The following GPC5 variants were observed in gnomAD, a reference collection of about 807,000 sequenced individuals.
The protein encoded by GPC5 is glypican-5.
Under a neutral mutation model 53.9 loss-of-function variants are expected in GPC5, and 47 were observed. That is an observed-to-expected ratio of 0.87 (90% CI 0.69 to 1.11). The LOEUF (loss-of-function observed/expected upper bound fraction) is 1.11. GPC5 is among the 50% of genes most tolerant of loss of function. The pLI is 0.00. For missense variants in GPC5, 748 were observed against 713.1 expected (o/e 1.05, Z -0.56); for synonymous variants, 286 against 263.3 (o/e 1.09, Z -0.84).
At chr13:92,498,452 C>A (rs1412164657) in intron 7 of GPC5, among the ~76,000 whole-genome samples, 1 of 152,106 alleles carries the variant, frequency 6.6e-6, no homozygotes, top group East Asian at 1.9e-4. Context: ...CATACATGAG[C>A]CCCTTGGCCC....
At chr13:92,295,185 T>A (rs534823364) in intron 7 of GPC5, among the ~76,000 whole-genome samples, 1 of 152,222 alleles carries the variant, frequency 6.6e-6, no homozygotes, top group Admixed American at 6.5e-5. Context: ...GCACCACCTT[T>A]GCTGTGTCCC....
chr13:92,465,995 G>A (rs999400122), intron 7 of GPC5, among the ~76,000 whole-genome samples: 14 of 151,988 alleles, frequency 9.2e-5, no homozygotes, highest in African/African-American at 1.7e-4. Flanking sequence ...TGATTACTGC[G>A]TACACACGAT....
chr13:92,591,488 T>C (rs572706773), intron 7 of GPC5, among the ~76,000 whole-genome samples: 2 of 152,318 alleles, frequency 1.3e-5, no homozygotes, highest in African/African-American at 4.8e-5. Context: ...TAAAATTATA[T>C]GTATTTATCA....
At chr13:91,934,080 G>T (rs74106208) in intron 6 of GPC5, among the ~76,000 whole-genome samples, 2,714 of 151,798 alleles carry the variant, frequency 0.018, 73 homozygotes, top group African/African-American at 0.063. Flanking sequence ...GGATTTAAAA[G>T]TTATTAAGGA....
chr13:92,393,997 C>G (rs1875143848), intron 7 of GPC5, among the ~76,000 whole-genome samples: 1 of 151,866 alleles, frequency 6.6e-6, no homozygotes. Flanking sequence ...GGCTTTCTGT[C>G]CTCCTTGTTA....
intron 2 of GPC5, among the ~76,000 whole-genome samples, chr13:91,530,371 C>A (rs995297988): frequency 1.3e-5 from 2 of 152,144 alleles, no homozygotes; most frequent in Non-Finnish European, 2.9e-5. Context: ...TAATTTACAC[C>A]ATGACCAGCA....
intron 3 of GPC5, among the ~76,000 whole-genome samples, chr13:91,701,864 AC>A (rs902452986): frequency 2.0e-5 from 3 of 152,046 alleles, no homozygotes; most frequent in Non-Finnish European, 4.4e-5. Context: ...TTTTTGAGGA[AC>A]CACTGCACTT....
chr13:92,603,564 A>G (rs1275644564), intron 7 of GPC5, among the ~76,000 whole-genome samples: 1 of 152,210 alleles, frequency 6.6e-6, no homozygotes, highest in Non-Finnish European at 1.5e-5. Flanking sequence ...ACGAGGCACA[A>G]CACAACTTGC....
intron 7 of GPC5, among the ~76,000 whole-genome samples, chr13:92,146,133 C>G (rs1042538003): frequency 2.6e-5 from 4 of 152,108 alleles, no homozygotes; most frequent in Non-Finnish European, 4.4e-5. Context: ...AATTGGTGCA[C>G]TTGAGCAGCC....
intron 7 of GPC5, among the ~76,000 whole-genome samples, chr13:92,487,430 G>C (rs139315689): frequency 6.6e-6 from 1 of 152,096 alleles, no homozygotes; most frequent in Non-Finnish European, 1.5e-5. Context: ...AAATTGCATT[G>C]TCATGATTCA....
chr13:92,604,125 A>G (rs1410375114), intron 7 of GPC5, among the ~76,000 whole-genome samples: 1 of 152,238 alleles, frequency 6.6e-6, no homozygotes, highest in Non-Finnish European at 1.5e-5. Flanking sequence ...CTAAAAGATC[A>G]TAAAGCGGTA....
intron 7 of GPC5, among the ~76,000 whole-genome samples, chr13:92,783,576 TGTTA>T (rs1398278688): frequency 6.6e-6 from 1 of 152,160 alleles, no homozygotes; most frequent in African/African-American, 2.4e-5. Context: ...ATGAGGGTCT[TGTTA>T]GTTGGATGGA....
chr13:91,659,570 T>C (rs1178482584), intron 2 of GPC5, among the ~76,000 whole-genome samples: 1 of 152,226 alleles, frequency 6.6e-6, no homozygotes, highest in Non-Finnish European at 1.5e-5. Flanking sequence ...TTCATTTAAA[T>C]AGTGTTAAGT....
At chr13:92,791,565 T>A (rs1876465030) in intron 7 of GPC5, among the ~76,000 whole-genome samples, 1 of 151,896 alleles carries the variant, frequency 6.6e-6, no homozygotes, top group South Asian at 2.1e-4. Context: ...TAAAAGTAAT[T>A]CTGCTTTTTG....
At chr13:92,853,371 G>A (rs1381913174) in intron 7 of GPC5, among the ~76,000 whole-genome samples, 2 of 152,104 alleles carry the variant, frequency 1.3e-5, no homozygotes, top group African/African-American at 4.8e-5. Flanking sequence ...ATCTCTTACT[G>A]TGCCTAATTT....
chr13:91,858,340 T>C (rs7989571), intron 5 of GPC5, among the ~76,000 whole-genome samples: 28,696 of 151,772 alleles, frequency 0.19, 3,016 homozygotes, highest in East Asian at 0.31. Context: ...AGGTATGTTC[T>C]TTCTATACAG....
At chr13:91,597,271 T>A (rs2033028403) in intron 2 of GPC5, among the ~76,000 whole-genome samples, 1 of 152,232 alleles carries the variant, frequency 6.6e-6, no homozygotes, top group African/African-American at 2.4e-5. Context: ...GAAGCAGAAG[T>A]CAAAATCCTT....
At chr13:91,602,301 C>T (rs1236057357) in intron 2 of GPC5, among the ~76,000 whole-genome samples, 1 of 152,192 alleles carries the variant, frequency 6.6e-6, no homozygotes, top group Non-Finnish European at 1.5e-5. Context: ...TATGCTGAAA[C>T]CAAATGTAGG....
At chr13:92,004,762 C>A (rs1465945975) in intron 6 of GPC5, among the ~76,000 whole-genome samples, 1 of 151,420 alleles carries the variant, frequency 6.6e-6, no homozygotes, top group Non-Finnish European at 1.5e-5. Context: ...TGGTGGCAGG[C>A]AAGAAAGAAT....
Sources: allele counts gnomAD v4.1 joint callset (sites outside exome capture counted in the v4.1 genomes callset), GRCh38; gene constraint gnomAD v4.1.1; transcripts MANE v1.5; gene names NCBI Gene and HGNC (gene_info 2026-07-23, HGNC 2026-07-21).